Variants in SMIM13 observed in about 807,000 individuals in gnomAD.
The protein encoded by SMIM13 is UPF0766 protein C6orf228.
SMIM13 carries 3 observed loss-of-function variants against 5.9 expected under a neutral mutation model. The ratio of observed to expected loss-of-function variants is 0.51; its 90% confidence interval spans 0.23 to 1.31. The LOEUF is 1.31. Ranked by LOEUF, SMIM13 falls within the 40% of genes most tolerant of loss-of-function variation. The probability of loss-of-function intolerance (pLI) is 0.18; values close to 1 mark genes in which losing one functional copy is unlikely to be tolerated. For missense variants in SMIM13, 85 were observed against 109.9 expected (o/e 0.77, Z 1.01); for synonymous variants, 55 against 46.0 (o/e 1.19, Z -0.79).
chr6:11,122,401 A>T (rs907174294), intron 1 of SMIM13, among the ~76,000 whole-genome samples: 1 of 152,240 alleles, frequency 6.6e-6, no homozygotes, highest in Non-Finnish European at 1.5e-5. Flanking sequence ...TATGAATCCT[A>T]TCCTCTTGTG....
rs1205494746 is a variant in SMIM13, at chr6:11,136,219, A to G, written c.*1617A>G. 6.6e-6 allele frequency: 1 copy of G among 152,234 alleles called. No individual in the cohort carries two copies. Among genetic ancestry groups the G allele is most frequent in the African/African-American group, 2.4e-5 (1 of 41,460 alleles). The allele number at this position is 152,234 out of a possible 1,614,324, so 9.4% of individuals were successfully genotyped here. On this transcript the variant is annotated 3_prime_UTR_variant, in exon 2 of 2. Coordinates refer to ENST00000416247, the MANE Select transcript of SMIM13 (RefSeq NM_001135575.2). ...AAAGGTAATGCGTATTGAGGAAAAC[A>G]GTAGTGGGTGAAAATTCCCGCTTAG...
intron 1 of SMIM13, among the ~76,000 whole-genome samples, chr6:11,098,453 A>G (rs1757951778): frequency 6.6e-6 from 1 of 152,048 alleles, no homozygotes; most frequent in Admixed American, 6.6e-5. Context: ...TTTTTTTGAG[A>G]TGGAGTTTTG....
chr6:11,123,171 G>A (rs1758332828), intron 1 of SMIM13, among the ~76,000 whole-genome samples: 2 of 152,112 alleles, frequency 1.3e-5, no homozygotes, highest in Admixed American at 6.6e-5. Flanking sequence ...GTTTTTTCTA[G>A]GTTTGTGTTT....
chr6:11,130,974 A>G (rs911103171), intron 1 of SMIM13, among the ~76,000 whole-genome samples: 3 of 152,190 alleles, frequency 2.0e-5, no homozygotes, highest in Admixed American at 6.5e-5. Context: ...AATCAAAACT[A>G]TCAGTTTTTA....
rs1561762009 is a variant in SMIM13, at chr6:11,134,651, A to G, written c.*49A>G. 1 of 1,327,060 alleles carries G rather than the reference A, an allele frequency of 7.5e-7. No individual in the cohort carries two copies. The allele number at this position is 1,327,060 out of a possible 1,614,324, so 82.2% of individuals were successfully genotyped here. A position where few individuals can be genotyped will look rare whatever the true frequency, so the allele number is the denominator to read the frequency against. ...AGGCAGTTGCCAGCTTCTGTCTTTT[A>G]CTGACTTCGCTTTGAAATTTACTAA... On this transcript the variant is annotated 3_prime_UTR_variant, in exon 2 of 2. Coordinates refer to ENST00000416247, the MANE Select transcript of SMIM13 (RefSeq NM_001135575.2).
At chr6:11,099,300 G>A (rs917132604) in intron 1 of SMIM13, among the ~76,000 whole-genome samples, 4 of 151,972 alleles carry the variant, frequency 2.6e-5, no homozygotes, top group Non-Finnish European at 5.9e-5. Flanking sequence ...TCAGCCTCCC[G>A]AGTAGCTGAG....
At chr6:11,121,060 C>A (rs1199666286) in intron 1 of SMIM13, among the ~76,000 whole-genome samples, 3 of 152,326 alleles carry the variant, frequency 2.0e-5, no homozygotes, top group East Asian at 3.9e-4. Flanking sequence ...TATTGGCACA[C>A]AGAAGTGAGT....
chr6:11,136,463 T>C lies in SMIM13; in HGVS notation c.*1861T>C, dbSNP rs1294334005. 6.6e-6 allele frequency: 1 copy of C among 152,242 alleles called. No individual in the cohort carries two copies. The highest frequency in any genetic ancestry group is 1.5e-5 in the Non-Finnish European group (1 of 68,040). The allele number at this position is 152,242 out of a possible 1,614,324, so 9.4% of individuals were successfully genotyped here. On this transcript the variant is annotated 3_prime_UTR_variant, in exon 2 of 2. Transcript: ENST00000416247. The stretch of plus-strand genomic sequence containing the variant: ...AGGACTAGTCATCACAAAATATCTA[T>C]TTAACCTCTATTTTATGATGGTGTG...
intron 1 of SMIM13, chr6:11,105,185 A>G: frequency 6.2e-7 from 1 of 1,614,148 alleles, no homozygotes; most frequent in Non-Finnish European, 8.5e-7. Context: ...ATAACCAGCA[A>G]TTGGTGGAGT....
intron 1 of SMIM13, among the ~76,000 whole-genome samples, chr6:11,107,045 A>T (rs2113646542): frequency 6.6e-6 from 1 of 152,282 alleles, no homozygotes; most frequent in East Asian, 1.9e-4. Context: ...TAACCTCTGT[A>T]ATTTGTTGAA....
chr6:11,128,465 TG>T, intron 1 of SMIM13, among the ~76,000 whole-genome samples: 1 of 152,292 alleles, frequency 6.6e-6, no homozygotes, highest in South Asian at 2.1e-4. Context: ...CTCCCCGACC[TG>T]TGAGCTGTAC....
chr6:11,099,263 C>T (rs1757962596), intron 1 of SMIM13, among the ~76,000 whole-genome samples: 1 of 152,150 alleles, frequency 6.6e-6, no homozygotes, highest in Admixed American at 6.5e-5. Flanking sequence ...CAACCTCCAC[C>T]TCCTGGGTTC....
intron 1 of SMIM13, among the ~76,000 whole-genome samples, chr6:11,112,462 A>C (rs1433632328): frequency 6.6e-6 from 1 of 152,198 alleles, no homozygotes; most frequent in Non-Finnish European, 1.5e-5. Flanking sequence ...CATGGTGGCC[A>C]GGCTGATCTT....
chr6:11,109,215 G>C (rs995409609), intron 1 of SMIM13, among the ~76,000 whole-genome samples: 3 of 152,212 alleles, frequency 2.0e-5, no homozygotes, highest in Non-Finnish European at 4.4e-5. Flanking sequence ...GGTGAGTTCA[G>C]ATGTTAAGCC....
chr6:11,133,738 GT>G (rs80159629), intron 1 of SMIM13, among the ~76,000 whole-genome samples: 1,772 of 138,746 alleles, frequency 0.013, 29 homozygotes, highest in African/African-American at 0.041. Context: ...AACAAAACTT[GT>G]TTTTTTTTTT....
rs528534992 is a variant in SMIM13, at chr6:11,094,550, G to T, written c.76+161G>T. 9.8e-5 allele frequency among the ~76,000 whole-genome samples: 15 copies of T among 152,310 alleles called. No homozygotes were observed. In the South Asian group the frequency reaches 1.7e-3, roughly 17 times the overall value. On this transcript the variant is annotated intron_variant, in intron 1 of 1. Coordinates refer to ENST00000416247, the MANE Select transcript of SMIM13 (RefSeq NM_001135575.2). ...CTTAGCCTCTAGGGCTGAGCGCAGA[G>T]GTGGGCCCTTTACTCATGGCCGGCC...
rs559395174 is a variant in SMIM13 at position 11,098,021 on chromosome 6, G to C, written c.76+3632G>C. 1.6e-4 allele frequency among the ~76,000 whole-genome samples: 25 copies of C among 152,198 alleles called. 1 individual carries two copies. In the East Asian group the frequency reaches 4.8e-3, roughly 29 times the overall value. On this transcript the variant is annotated intron_variant, in intron 1 of 1. Coordinates refer to ENST00000416247, the MANE Select transcript of SMIM13 (RefSeq NM_001135575.2). Reference sequence around the variant, plus strand: ...ACAAACATGGAGTTCAGATCAAGAGGCTCTGCTCTTTGGGCTGGGTCTCCT... The same window carrying C: ...ACAAACATGGAGTTCAGATCAAGAGCCTCTGCTCTTTGGGCTGGGTCTCCT...
chr6:11,121,492 C>T (rs1284999571), intron 1 of SMIM13, among the ~76,000 whole-genome samples: 1 of 152,132 alleles, frequency 6.6e-6, no homozygotes, highest in Non-Finnish European at 1.5e-5. Flanking sequence ...CATATGCTCA[C>T]CTGGGAGAAG....
intron 1 of SMIM13, among the ~76,000 whole-genome samples, chr6:11,096,520 A>G (rs1434919800): frequency 6.6e-6 from 1 of 152,168 alleles, no homozygotes; most frequent in East Asian, 1.9e-4. Flanking sequence ...CTGATGATGG[A>G]GTAGCCTCAT....
Sources: allele counts gnomAD v4.1 joint callset (sites outside exome capture counted in the v4.1 genomes callset), GRCh38; gene constraint gnomAD v4.1.1; transcripts MANE v1.5; gene names NCBI Gene and HGNC (gene_info 2026-07-23, HGNC 2026-07-21).